The following BRINP2 variants were observed in gnomAD, a reference collection of about 807,000 sequenced individuals.
BRINP2 encodes BMP/retinoic acid inducible neural specific 2, also known as BMP/retinoic acid-inducible neural-specific protein 2.
BRINP2 carries 21 observed loss-of-function variants against 69.2 expected under a neutral mutation model. The ratio of observed to expected loss-of-function variants is 0.30; its 90% CI spans 0.22 to 0.44. The LOEUF (loss-of-function observed/expected upper bound fraction) is 0.44, where lower values mean the gene tolerates loss of function less well. Ranked by LOEUF, BRINP2 falls within the 20% of genes least tolerant of loss-of-function variation. The pLI is 1.00. For missense variants in BRINP2, 877 were observed against 986.0 expected (o/e 0.89, Z 1.48); for synonymous variants, 380 against 394.1 (o/e 0.96, Z 0.42).
intron 4 of BRINP2, among the ~76,000 whole-genome samples, chr1:177,268,026 C>A (rs1350965261): frequency 6.6e-6 from 1 of 152,222 alleles, no homozygotes; most frequent in Non-Finnish European, 1.5e-5. Context: ...TGTTTTCCCC[C>A]ACCTTCTTCT....
chr1:177,268,497 G>A (rs972406814), intron 4 of BRINP2, among the ~76,000 whole-genome samples: 5 of 152,202 alleles, frequency 3.3e-5, no homozygotes, highest in African/African-American at 9.7e-5. Flanking sequence ...CTAAGCAGAT[G>A]TACATTTACT....
At chr1:177,231,771 C>G (rs1558168849) in intron 2 of BRINP2, among the ~76,000 whole-genome samples, 2 of 152,218 alleles carry the variant, frequency 1.3e-5, no homozygotes, top group Admixed American at 1.3e-4. Context: ...CAGAAATTCA[C>G]ATAGCATCAC....
At chr1:177,266,758 T>TAAA (rs1223096305) in intron 4 of BRINP2, among the ~76,000 whole-genome samples, 7 of 59,284 alleles carry the variant, frequency 1.2e-4, no homozygotes, top group East Asian at 4.6e-4. Context: ...AGACTCACTC[T>TAAA]AAAAAAAAAA....
chr1:177,273,705 T>C, intron 5 of BRINP2, 112 bp downstream of exon 5: 2 of 617,780 alleles, frequency 3.2e-6, no homozygotes, highest in Admixed American at 6.9e-5. Context: ...CAAACCTTTC[T>C]TAAGACAAGA....
At position 177,241,431 on chromosome 1, in the gene BRINP2, G is replaced by C. The variant is rs1182781618; in HGVS notation, c.269+11286G>C. On this transcript the variant is annotated intron_variant, in intron 2 of 7. Transcript: ENST00000361539. ...ACTTCACAACAGGGCTCTAGATTTTGAAAACAGTTATTACTCTCCCCAATT... is the reference window on the plus strand; with the variant it reads ...ACTTCACAACAGGGCTCTAGATTTTCAAAACAGTTATTACTCTCCCCAATT... 2.0e-5 allele frequency among the ~76,000 whole-genome samples: 3 copies of C among 152,180 alleles called. No homozygotes were observed. In the East Asian group the frequency reaches 5.8e-4, roughly 29 times the overall value.
intron 4 of BRINP2, among the ~76,000 whole-genome samples, chr1:177,263,729 G>A (rs976935679): frequency 6.6e-6 from 1 of 152,116 alleles, no homozygotes; most frequent in Admixed American, 6.5e-5. Context: ...GAAGAGATAA[G>A]GATGACTTTC....
intron 1 of BRINP2, among the ~76,000 whole-genome samples, chr1:177,189,668 A>T (rs1648530646): frequency 6.6e-6 from 1 of 152,196 alleles, no homozygotes; most frequent in Non-Finnish European, 1.5e-5. Context: ...CAACTTAGAA[A>T]CTAGGTAACA....
At chr1:177,270,265 G>A (rs976783416) in intron 4 of BRINP2, among the ~76,000 whole-genome samples, 1 of 152,160 alleles carries the variant, frequency 6.6e-6, no homozygotes, top group South Asian at 2.1e-4. Context: ...TGAAACTTGA[G>A]TGGGCCTTTC....
chr1:177,205,151 G>A (rs941992880), intron 1 of BRINP2, among the ~76,000 whole-genome samples: 1 of 151,948 alleles, frequency 6.6e-6, no homozygotes, highest in African/African-American at 2.4e-5. Context: ...TTTTTTGTTT[G>A]TGTTTTTTTG....
rs1277911830 is a variant in BRINP2, at chr1:177,218,772, C to A, written c.-76-11029C>A. Among the ~76,000 whole-genome samples, 3 of 152,146 alleles carry A rather than the reference C, an allele frequency of 2.0e-5. No homozygotes were observed. The East Asian group carries it at 5.8e-4, about 29-fold the overall frequency. On this transcript the variant is annotated intron_variant, in intron 1 of 7. Transcript: ENST00000361539. ...TCAAAGCAAAACCATTTCTCTTACC[C>A]CTTCCATGTGGAGTTTGATTCAGTT...
chr1:177,258,569 G>C (rs1416778677), intron 4 of BRINP2, among the ~76,000 whole-genome samples: 1 of 152,010 alleles, frequency 6.6e-6, no homozygotes, highest in East Asian at 1.9e-4. Flanking sequence ...TTTTGTTTTT[G>C]TTTTTGTTTT....
intron 1 of BRINP2, among the ~76,000 whole-genome samples, chr1:177,223,758 C>G (rs1419046625): frequency 6.6e-6 from 1 of 151,564 alleles, no homozygotes; most frequent in Non-Finnish European, 1.5e-5. Context: ...ATATCTATAC[C>G]CTCACTGATT....
chr1:177,213,313 C>T (rs1409160971), intron 1 of BRINP2, among the ~76,000 whole-genome samples: 1 of 152,082 alleles, frequency 6.6e-6, no homozygotes, highest in Non-Finnish European at 1.5e-5. Context: ...TATTGAGAAA[C>T]ACGCCTGGCC....
Position 177,256,058 on chromosome 1 carries a change from A to G in BRINP2, c.409A>G (p.Asn137Asp). The G allele has an allele frequency of 6.2e-7, 1 of 1,614,162 alleles. No individual in the cohort carries two copies. Residue 137 changes from asparagine to aspartate, a missense_variant, in exon 3 of 8, where the codon AAT becomes GAT. By Grantham distance (23) the Asn-to-Asp change is conservative. Transcript: ENST00000361539. Reference sequence around the variant, plus strand: ...ACCCAATCTGCAACAGGTTACAGAAAATCTGATTAAAAAGTACGGCACTCA... The same window carrying G: ...ACCCAATCTGCAACAGGTTACAGAAGATCTGATTAAAAAGTACGGCACTCA... Reference protein sequence around the residue: ...RRPNLQQVTENLIKKYGTHFL... With the variant: ...RRPNLQQVTEDLIKKYGTHFL...
intron 2 of BRINP2, among the ~76,000 whole-genome samples, chr1:177,247,654 T>C (rs954231329): frequency 5.3e-5 from 8 of 152,158 alleles, no homozygotes; most frequent in African/African-American, 9.7e-5. Flanking sequence ...AGATAGATCA[T>C]TGGAAATAGA....
intron 2 of BRINP2, among the ~76,000 whole-genome samples, chr1:177,243,820 C>A (rs1421036644): frequency 6.6e-6 from 1 of 152,146 alleles, no homozygotes; most frequent in Non-Finnish European, 1.5e-5. Flanking sequence ...CTCATCACTG[C>A]CATTCCTTAG....
chr1:177,281,761 A>C lies in BRINP2; in HGVS notation c.*233A>C. On this transcript the variant is annotated 3_prime_UTR_variant, in exon 8 of 8. Transcript: ENST00000361539. ...ACACTGGCACAGGGAGGCTACAACT[A>C]AGCAGCCTCAGATCTGTAAAGTTGA... is the stretch of plus-strand genomic sequence containing the variant. 3 of 417,768 alleles carry C rather than the reference A, an allele frequency of 7.2e-6. No homozygotes were observed. The highest frequency in any genetic ancestry group is 8.4e-6 in the Non-Finnish European group (2 of 239,184). The allele number at this position is 417,768 out of a possible 1,614,324, so 25.9% of individuals were successfully genotyped here.
Position 177,229,965 on chromosome 1 carries a change from G to T in BRINP2, c.89G>T (p.Trp30Leu). The T allele has an allele frequency of 1.2e-6, 2 of 1,613,606 alleles. No individual in the cohort carries two copies. The highest frequency in any genetic ancestry group is 1.3e-5 in the African/African-American group (1 of 75,046). Residue 30 changes from tryptophan to leucine, a missense_variant, in exon 2 of 8, where the codon TGG (tryptophan) becomes TTG (leucine). Transcript: ENST00000361539. ...CTGCTGGCACTGGGCCTGCCTGGCT[G>T]GGTGTTGGCTGTCTCAGCCACGGCG... Reference protein sequence around the residue: ...TALLALGLPGWVLAVSATAAA... With the variant: ...TALLALGLPGLVLAVSATAAA...
chr1:177,272,884 T>C (rs1037481570), intron 4 of BRINP2, among the ~76,000 whole-genome samples: 1 of 152,238 alleles, frequency 6.6e-6, no homozygotes, highest in Admixed American at 6.5e-5. Context: ...TTTAAATGAC[T>C]CTATGGTGTT....
Sources: gnomAD v4.1 joint callset for allele counts (sites outside exome capture counted in the v4.1 genomes callset) on GRCh38, gnomAD v4.1.1 for gene constraint, MANE v1.5 for transcripts, NCBI Gene and HGNC (gene_info 2026-07-23, HGNC 2026-07-21) for gene names.